The following RASSF3 variants were observed in gnomAD, a reference collection of about 807,000 sequenced individuals.
RASSF3 encodes the protein Ras association domain family member 3, also known as ras association domain-containing protein 3.
In RASSF3, 19 loss-of-function variants were observed where a neutral mutation model predicts 19.9. The ratio of observed to expected loss-of-function variants is 0.96; its 90% confidence interval spans 0.67 to 1.40. The LOEUF (loss-of-function observed/expected upper bound fraction) is 1.40, where lower values mean the gene tolerates loss of function less well. Among genes scored for constraint, RASSF3 ranks in the 40% most tolerant of loss-of-function variants. The pLI, the probability that RASSF3 is intolerant of heterozygous loss-of-function variation, is 0.00. For synonymous variants in RASSF3, 110 were observed against 104.2 expected, an observed-to-expected ratio of 1.06 and a Z score of -0.34; for missense variants, 306 against 289.8, an observed-to-expected ratio of 1.06 and a Z score of -0.41.
chr12:64,696,118 C>CCTCCCTCACTCCCTCCCTCCCTCA lies in RASSF3; in HGVS notation c.*1210_*1211insCTCACTCCCTCCCTCCCTCACTCC, dbSNP rs1175074464. ...CCCTCCCTCCCTCCCTCCCTCCCTC[C>CCTCCCTCACTCCCTCCCTCCCTCA]CTCCTTCCCTCCCTCTCTCTCCCTC... On this transcript the variant is annotated 3_prime_UTR_variant, in exon 5 of 5. Coordinates refer to ENST00000542104, the MANE Select transcript of RASSF3 (RefSeq NM_178169.4). 2.2e-5 allele frequency: 2 copies of CCTCCCTCACTCCCTCCCTCCCTCA among 89,830 alleles called. No homozygotes were observed. Among genetic ancestry groups the CCTCCCTCACTCCCTCCCTCCCTCA allele is most frequent in the African/African-American group, 9.8e-5 (2 of 20,408 alleles). 5.6% of individuals were successfully genotyped at this position (89,830 alleles called of 1,614,324 possible).
At chr12:64,622,519 T>C (rs761407780) in intron 1 of RASSF3, 2 of 530,854 alleles carry the variant, frequency 3.8e-6, no homozygotes, top group Non-Finnish European at 7.7e-6. Context: ...CATTGGCATC[T>C]ATTAGGTTGG....
At chr12:64,573,963 A>G (rs1219659148) in intron 2 of RASSF3, among the ~76,000 whole-genome samples, 1 of 152,134 alleles carries the variant, frequency 6.6e-6, no homozygotes, top group African/African-American at 2.4e-5. Context: ...GTAATGTGTC[A>G]TATTAATAGT....
intron 1 of RASSF3, among the ~76,000 whole-genome samples, chr12:64,631,677 C>G (rs921790953): frequency 6.6e-6 from 1 of 152,130 alleles, no homozygotes; most frequent in Non-Finnish European, 1.5e-5. Context: ...GTTCAAGATT[C>G]TCCTGCCTCA....
chr12:64,551,767 A>C (rs1565837751), intron 2 of RASSF3, among the ~76,000 whole-genome samples: 1 of 152,218 alleles, frequency 6.6e-6, no homozygotes, highest in Non-Finnish European at 1.5e-5. Context: ...AGAACTTGGC[A>C]TAGACACATG....
chr12:64,535,328 CAAAAT>C (rs1327858845), intron 1 of RASSF3, among the ~76,000 whole-genome samples: 3 of 146,986 alleles, frequency 2.0e-5, no homozygotes, highest in African/African-American at 7.4e-5. Flanking sequence ...AAAAAAAAAA[CAAAAT>C]AAACAACATT....
chr12:64,667,527 A>G (rs982734425), intron 1 of RASSF3, among the ~76,000 whole-genome samples: 1 of 152,158 alleles, frequency 6.6e-6, no homozygotes, highest in African/African-American at 2.4e-5. Flanking sequence ...TGCGGGAAAG[A>G]TGGTCGTAGC....
intron 1 of RASSF3, among the ~76,000 whole-genome samples, chr12:64,538,642 A>G (rs941526357): frequency 3.3e-5 from 5 of 150,088 alleles, no homozygotes; most frequent in Non-Finnish European, 7.4e-5. Context: ...AGCTCTGTAG[A>G]AAACACACAA....
At chr12:64,529,327 G>A (rs6581575), upstream of RASSF3, among the ~76,000 whole-genome samples, 86,161 of 152,010 alleles carry the variant, frequency 0.57, 25,015 homozygotes, top group East Asian at 0.97. Flanking sequence ...TGAAGATGTA[G>A]TAGATATCTG....
At chr12:64,596,952 C>T (rs901779921) in intron 2 of RASSF3, among the ~76,000 whole-genome samples, 4 of 151,744 alleles carry the variant, frequency 2.6e-5, no homozygotes, top group Admixed American at 1.3e-4. Flanking sequence ...TGATCTCGAA[C>T]TCTCAACCTC....
intron 1 of RASSF3, among the ~76,000 whole-genome samples, chr12:64,514,033 C>T (rs1868344619): frequency 6.6e-6 from 1 of 151,196 alleles, no homozygotes; most frequent in Non-Finnish European, 1.5e-5. Flanking sequence ...GAGCACGCCA[C>T]CACACCCAGC....
intron 1 of RASSF3, among the ~76,000 whole-genome samples, chr12:64,658,609 C>G (rs978020558): frequency 6.6e-6 from 1 of 152,084 alleles, no homozygotes; most frequent in African/African-American, 2.4e-5. Context: ...CAAGACCAGC[C>G]TGGACAACAT....
intron 2 of RASSF3, among the ~76,000 whole-genome samples, chr12:64,599,422 A>G (rs1208785624): frequency 1.3e-5 from 2 of 152,260 alleles, no homozygotes; most frequent in African/African-American, 4.8e-5. Context: ...AGACAATTGA[A>G]TAAAAATAAT....
chr12:64,681,930 A>C (rs578014451), intron 1 of RASSF3, among the ~76,000 whole-genome samples: 13 of 152,302 alleles, frequency 8.5e-5, no homozygotes, highest in Admixed American at 7.2e-4. Flanking sequence ...GTTTGAACTC[A>C]GGAAGTCAAG....
intron 2 of RASSF3, among the ~76,000 whole-genome samples, chr12:64,687,645 G>A (rs767213156): frequency 3.4e-4 from 52 of 152,052 alleles, no homozygotes; most frequent in Non-Finnish European, 5.9e-4. Flanking sequence ...TGGCATATAT[G>A]CTGCATTAAA....
intron 2 of RASSF3, among the ~76,000 whole-genome samples, chr12:64,596,901 G>A (rs1005300840): frequency 2.6e-5 from 4 of 151,672 alleles, no homozygotes; most frequent in African/African-American, 7.3e-5. Context: ...GGTTAATTTT[G>A]TATTTTTAGT....
At chr12:64,568,231 C>T (rs1592403372) in intron 2 of RASSF3, among the ~76,000 whole-genome samples, 1 of 152,020 alleles carries the variant, frequency 6.6e-6, no homozygotes, top group East Asian at 1.9e-4. Context: ...AGGGGTTTCA[C>T]CATGTTGGCC....
chr12:64,571,115 G>A (rs149980757), intron 2 of RASSF3, among the ~76,000 whole-genome samples: 1 of 152,138 alleles, frequency 6.6e-6, no homozygotes, highest in South Asian at 2.1e-4. Context: ...TACTTGGGAG[G>A]CTGAGGCAGG....
chr12:64,525,747 T>C (rs12819768), intron 1 of RASSF3, among the ~76,000 whole-genome samples: 60,616 of 152,044 alleles, frequency 0.4, 13,246 homozygotes, highest in East Asian at 0.69. Flanking sequence ...TACTTTTTTT[T>C]TTGCTCTCTG....
rs1873433521 is a variant in RASSF3 at position 64,688,233 on chromosome 12, C to T, written c.237C>T (p.Tyr79=). 1.9e-6 allele frequency: 3 copies of T among 1,613,630 alleles called. No homozygotes were observed. Among genetic ancestry groups the T allele is most frequent in the Non-Finnish European group, 2.5e-6 (3 of 1,179,506 alleles). ...TGCTTCAGAATTCAAATGGGATTTA[C>T]ACTGGCTTCATTAAAGTACAGATGG... is the stretch of plus-strand genomic sequence containing the variant. ...LKMTLNSNGI[Y]TGFIKVQMEL... Residue 79 remains tyrosine (Y), a synonymous_variant, in exon 3 of 5, where the codon TAC becomes TAT. Transcript: ENST00000542104.
Sources: allele counts gnomAD v4.1 joint callset (sites outside exome capture counted in the v4.1 genomes callset), GRCh38; gene constraint gnomAD v4.1.1; transcripts MANE v1.5; gene names NCBI Gene and HGNC (gene_info 2026-07-23, HGNC 2026-07-21).